Variants in ABCG8 observed in about 807,000 individuals in gnomAD.
The protein encoded by ABCG8 is ATP-binding cassette sub-family G member 8.
In ABCG8, 81 loss-of-function variants were observed where a neutral mutation model predicts 71.3. The ratio of observed to expected loss-of-function variants is 1.14; its 90% CI spans 0.95 to 1.37. The LOEUF (loss-of-function observed/expected upper bound fraction) is 1.37. Ranked by LOEUF, ABCG8 falls within the 40% of genes most tolerant of loss-of-function variation. The pLI is 0.00. For synonymous variants in ABCG8, 451 were observed against 354.7 expected (o/e 1.27, Z -3.05); for missense variants, 1,119 against 866.2 (o/e 1.29, Z -3.66).
chr2:43,863,071 A>G (rs756636526), intron 6 of ABCG8, among the ~76,000 whole-genome samples: 1 of 151,060 alleles, frequency 6.6e-6, no homozygotes, highest in African/African-American at 2.4e-5. Flanking sequence ...ATCTATCTTG[A>G]TAGGGTTCTC....
In ABCG8 at chr2:43,877,470, G is replaced by C. The variant is rs565294725; in HGVS notation, c.1757-91G>C. 4 of 1,580,110 alleles carry C rather than the reference G, an allele frequency of 2.5e-6. No individual in the cohort carries two copies. In the African/African-American group the frequency reaches 5.6e-5, roughly 22 times the overall value. ...TGGGCAGACCATGGGAATATGGGGA[G>C]ACTCTGTGAATATGGGGGAGACCAT... On this transcript the variant is annotated intron_variant, in intron 11 of 12. Transcript: ENST00000272286.
rs1669861358 is a variant in ABCG8 at position 43,873,805 on chromosome 2, C to T, written c.1230C>T (p.Asp410=). 2 of 1,614,232 alleles carry T rather than the reference C, an allele frequency of 1.2e-6. No individual in the cohort carries two copies. Among genetic ancestry groups the T allele is most frequent in the Admixed American group, 1.7e-5 (1 of 60,026 alleles). Reference sequence around the variant, plus strand: ...TTTTAAGTCGTCAGATTTCCAACGACTTCCGAGACCTGCCCACCCTCCTCA... The same window carrying T: ...TTTTAAGTCGTCAGATTTCCAACGATTTCCGAGACCTGCCCACCCTCCTCA... ...TTLIRRQISN[D]FRDLPTLLIH... The change falls in exon 9 of 13, where the codon GAC becomes GAT. Residue 410 remains aspartate, a synonymous_variant. Transcript: ENST00000272286.
At position 43,878,014 on chromosome 2, in the gene ABCG8, C is replaced by T; in HGVS notation, c.*101C>T. The stretch of plus-strand genomic sequence containing the variant: ...TCCTGGGGACAGTGAGGACAATGAC[C>T]CTACAGATGCTCAGCTACATCCGGC... On this transcript the variant is annotated 3_prime_UTR_variant, in exon 13 of 13. Transcript: ENST00000272286. The T allele has an allele frequency of 6.5e-7, 1 of 1,548,738 alleles. No homozygotes were observed. Among genetic ancestry groups the T allele is most frequent in the Non-Finnish European group, 8.8e-7 (1 of 1,132,362 alleles).
intron 10 of ABCG8, 106 bp from the exon 11 acceptor site, chr2:43,875,040 A>T: frequency 2.0e-6 from 3 of 1,504,916 alleles, no homozygotes; most frequent in Non-Finnish European, 2.7e-6. Flanking sequence ...CCTCATCATC[A>T]CCAGGAGGGA....
chr2:43,844,721 A>G (rs1668690605), intron 2 of ABCG8, 113 bp downstream of exon 2: 4 of 778,850 alleles, frequency 5.1e-6, no homozygotes, highest in Non-Finnish European at 8.9e-6. Flanking sequence ...CCGCAAGGAC[A>G]GAGTCCAGTC....
Position 43,852,343 on chromosome 2 carries a change from C to G in ABCG8, c.562-11C>G. The G allele has an allele frequency of 6.2e-7, 1 of 1,612,138 alleles. No homozygotes were observed. Among genetic ancestry groups the G allele is most frequent in the South Asian group, 1.1e-5 (1 of 91,000 alleles). ...CCCTGAGGTGGCCTCAAAGCTCCTT[C>G]TGGCCCACAGGTGGAGGACGTGATC... On this transcript the variant is annotated splice_polypyrimidine_tract_variant and intron_variant, in intron 4 of 12. Coordinates refer to ENST00000272286, the MANE Select transcript of ABCG8 (RefSeq NM_022437.3).
chr2:43,864,146 C>A (rs1242461371), intron 6 of ABCG8, among the ~76,000 whole-genome samples: 1 of 151,540 alleles, frequency 6.6e-6, no homozygotes, highest in Admixed American at 6.6e-5. Flanking sequence ...AGAATTCTTA[C>A]TGTGTGGATA....
At chr2:43,866,023 C>A (rs1669521862) in intron 6 of ABCG8, among the ~76,000 whole-genome samples, 1 of 152,056 alleles carries the variant, frequency 6.6e-6, no homozygotes, top group South Asian at 2.1e-4. Context: ...CAGAACAGAG[C>A]CCTCAGAAAT....
Position 43,872,033 on chromosome 2 carries a change from A to G in ABCG8, c.1022A>G (p.Lys341Arg), listed in dbSNP as rs1178946721. 1 of 1,614,126 alleles carries G rather than the reference A, an allele frequency of 6.2e-7. No homozygotes were observed. ...GAGCAGGAATTGGCCACCAGGGAGA[A>G]GGCTCAGTCACTCGCAGCCCTGTTT... ...SREQELATREKAQSLAALFLE... is the reference protein window; with the variant it reads ...SREQELATRERAQSLAALFLE... The change falls in exon 7 of 13, where the codon AAG becomes AGG. Residue 341 changes from lysine to arginine, a missense_variant. Physicochemically the swap from Lys to Arg is conservative, Grantham distance 26. Coordinates refer to ENST00000272286, the MANE Select transcript of ABCG8 (RefSeq NM_022437.3).
chr2:43,864,394 C>T (rs982292039), intron 6 of ABCG8, among the ~76,000 whole-genome samples: 3 of 149,094 alleles, frequency 2.0e-5, no homozygotes, highest in African/African-American at 5.0e-5. Context: ...CTCTGGATAG[C>T]ACTCACTATC....
chr2:43,869,454 T>G (rs1020299035), intron 6 of ABCG8, among the ~76,000 whole-genome samples: 1 of 152,038 alleles, frequency 6.6e-6, no homozygotes, highest in Admixed American at 6.5e-5. Flanking sequence ...TCACTATCTA[T>G]CTGGATAGAA....
At chr2:43,875,504 C>G (rs907233483) in intron 11 of ABCG8, 91 bp downstream of exon 11, 2 of 1,493,786 alleles carry the variant, frequency 1.3e-6, no homozygotes, top group South Asian at 1.3e-5. Flanking sequence ...ACACTTATCA[C>G]TTAGATCCAA....
chr2:43,854,296 C>A (rs373464830), intron 6 of ABCG8, among the ~76,000 whole-genome samples: 1 of 152,072 alleles, frequency 6.6e-6, no homozygotes, highest in Admixed American at 6.5e-5. Context: ...TTATAAGACC[C>A]CACCTAGACA....
chr2:43,842,731 C>T (rs1420093842), intron 1 of ABCG8, among the ~76,000 whole-genome samples: 5 of 152,042 alleles, frequency 3.3e-5, no homozygotes, highest in Non-Finnish European at 2.9e-5. Context: ...CATCTCTCCC[C>T]GCTCCCCAGA....
intron 11 of ABCG8, among the ~76,000 whole-genome samples, chr2:43,877,235 T>A (rs1477989819): frequency 1.4e-5 from 2 of 144,130 alleles, no homozygotes; most frequent in Non-Finnish European, 3.0e-5. Flanking sequence ...AAACTGGATA[T>A]GGGGGAGGCC....
intron 3 of ABCG8, 185 bp downstream of exon 3, chr2:43,846,496 C>A: frequency 1.2e-6 from 1 of 844,080 alleles, no homozygotes; most frequent in Non-Finnish European, 1.9e-6. Flanking sequence ...CATTTGCTGG[C>A]TTGAGGGTAG....
chr2:43,873,801 A>T lies in ABCG8; in HGVS notation c.1226A>T (p.Asn409Ile), dbSNP rs150977210. 46 of 1,613,792 alleles carry T rather than the reference A, an allele frequency of 2.9e-5. No homozygotes were observed. Among genetic ancestry groups the T allele is most frequent in the Non-Finnish European group, 3.6e-5 (43 of 1,179,992 alleles). Residue 409 changes from asparagine to isoleucine, a missense_variant, in exon 9 of 13, where the codon AAC (asparagine) becomes ATC (isoleucine). Transcript: ENST00000272286. ...TGGTTTTTAAGTCGTCAGATTTCCAACGACTTCCGAGACCTGCCCACCCTC... is the reference window on the plus strand; with the variant it reads ...TGGTTTTTAAGTCGTCAGATTTCCATCGACTTCCGAGACCTGCCCACCCTC... ...FTTLIRRQIS[N>I]DFRDLPTLLI... is the part of the protein sequence containing the mutation.
intron 11 of ABCG8, 138 bp downstream of exon 11, chr2:43,875,551 C>T: frequency 8.9e-7 from 1 of 1,128,006 alleles, no homozygotes; most frequent in Non-Finnish European, 1.2e-6. Context: ...AGGCCTTTGC[C>T]CACTGCCCTG....
intron 3 of ABCG8, among the ~76,000 whole-genome samples, chr2:43,850,609 C>T (rs1668882612): frequency 6.6e-6 from 1 of 152,166 alleles, no homozygotes; most frequent in African/African-American, 2.4e-5. Flanking sequence ...TCCCATCCTC[C>T]ACCCTCAGTT....
Sources: allele counts gnomAD v4.1 joint callset (sites outside exome capture counted in the v4.1 genomes callset), GRCh38; gene constraint gnomAD v4.1.1; transcripts MANE v1.5; gene names NCBI Gene and HGNC (gene_info 2026-07-23, HGNC 2026-07-21).